FRMD3: variants seen among roughly 807,000 people sequenced by gnomAD.
The protein encoded by FRMD3 is FERM domain-containing protein 3.
FRMD3 carries 33 observed loss-of-function variants against 70.2 expected under a neutral mutation model. That is an observed-to-expected ratio of 0.47 (90% CI 0.36 to 0.63). The LOEUF is 0.63. Among genes scored for constraint, FRMD3 ranks in the 20% least tolerant of loss-of-function variants. The pLI, the probability that FRMD3 is intolerant of heterozygous loss-of-function variation, is 0.00. For synonymous variants in FRMD3, 279 were observed against 255.9 expected, an observed-to-expected ratio of 1.09 and a Z score of -0.86; for missense variants, 632 against 711.4, an observed-to-expected ratio of 0.89 and a Z score of 1.27.
At chr9:83,243,626 G>C (rs563649210), downstream of FRMD3, among the ~76,000 whole-genome samples, 16 of 152,248 alleles carry the variant, frequency 1.1e-4, no homozygotes, top group East Asian at 3.1e-3. Context: ...AGAACTATAG[G>C]TCCGTAAGCT....
At chr9:83,327,701 C>G (rs1236457015) in intron 6 of FRMD3, among the ~76,000 whole-genome samples, 1 of 152,198 alleles carries the variant, frequency 6.6e-6, no homozygotes, top group Non-Finnish European at 1.5e-5. Context: ...CGTTTCCACT[C>G]TCCTAAGAAA....
At chr9:83,272,649 G>C (rs1461596506) in intron 13 of FRMD3, among the ~76,000 whole-genome samples, 1 of 94,440 alleles carries the variant, frequency 1.1e-5, no homozygotes, top group East Asian at 2.6e-4. Context: ...GCCCAGTCTG[G>C]TAAGTGAGGA....
At chr9:83,583,705 C>T in the FRMD3 span, among the ~76,000 whole-genome samples, 22 of 152,066 alleles carry the variant, frequency 1.4e-4, no homozygotes, top group Non-Finnish European at 2.6e-4. Context: ...ACATCCCAGG[C>T]TCAAGCAATC....
intron 13 of FRMD3, 127 bp from the exon 14 acceptor site, chr9:83,248,643 C>A: frequency 9.6e-7 from 1 of 1,037,570 alleles, no homozygotes; most frequent in Non-Finnish European, 1.4e-6. Context: ...CTGTGGTATC[C>A]TAAGTTGTAA....
chr9:83,266,242 C>T (rs1352521029), intron 13 of FRMD3, among the ~76,000 whole-genome samples: 2 of 152,076 alleles, frequency 1.3e-5, no homozygotes, highest in East Asian at 3.9e-4. Context: ...CTCTTTTATA[C>T]AAGAACACAT....
rs1007043740 is a variant in FRMD3 at position 83,246,249 on chromosome 9, T to C, written c.*1669A>G. Reference sequence around the variant, plus strand: ...CATTAGGGCAGTGGAATGTTTTCAATCCACAGAGAAGCTCTATGCTCCATG... The same window carrying C: ...CATTAGGGCAGTGGAATGTTTTCAACCCACAGAGAAGCTCTATGCTCCATG... On this transcript the variant is annotated 3_prime_UTR_variant, in exon 14 of 14. Transcript: ENST00000304195. 5.1e-6 allele frequency: 5 copies of C among 984,988 alleles called. No homozygotes were observed. Among genetic ancestry groups the C allele is most frequent in the Non-Finnish European group, 4.8e-6 (4 of 829,628 alleles). The allele number at this position is 984,988 out of a possible 1,614,324, so 61.0% of individuals were successfully genotyped here.
chr9:83,273,594 C>T (rs73479763), intron 13 of FRMD3, among the ~76,000 whole-genome samples: 4,050 of 121,316 alleles, frequency 0.033, 133 homozygotes, highest in African/African-American at 0.1. Flanking sequence ...CCTGCCAAAT[C>T]CGATCAATAA....
At chr9:83,450,654 G>A (rs895470131) in intron 1 of FRMD3, among the ~76,000 whole-genome samples, 13 of 152,180 alleles carry the variant, frequency 8.5e-5, no homozygotes, top group African/African-American at 2.9e-4. Flanking sequence ...TCCCTGGAAA[G>A]GGAAGGCTCT....
At chr9:83,440,725 A>G (rs1367839139) in intron 1 of FRMD3, among the ~76,000 whole-genome samples, 1 of 152,214 alleles carries the variant, frequency 6.6e-6, no homozygotes, top group Non-Finnish European at 1.5e-5. Context: ...TTGTGTTTCC[A>G]TGGGCAATTT....
intron 1 of FRMD3, among the ~76,000 whole-genome samples, chr9:83,461,882 T>A (rs1827986227): frequency 6.6e-6 from 1 of 152,104 alleles, no homozygotes. Context: ...GAGATGGGTT[T>A]CGCCATGTTG....
Position 83,246,701 on chromosome 9 carries a change from A to T in FRMD3, c.*1217T>A. 1.0e-6 allele frequency: 1 copy of T among 985,046 alleles called. No individual in the cohort carries two copies. Among genetic ancestry groups the T allele is most frequent in the Non-Finnish European group, 1.2e-6 (1 of 829,800 alleles). 61.0% of individuals were successfully genotyped at this position (985,046 alleles called of 1,614,324 possible). ...CACACACACGCACACTCACATACAA[A>T]CACATTTTTGAAGTTTCTTCTACAG... On this transcript the variant is annotated 3_prime_UTR_variant, in exon 14 of 14. Coordinates refer to ENST00000304195, the MANE Select transcript of FRMD3 (RefSeq NM_174938.6).
At chr9:83,498,454 A>G (rs1334545093) in intron 1 of FRMD3, among the ~76,000 whole-genome samples, 1 of 152,228 alleles carries the variant, frequency 6.6e-6, no homozygotes, top group African/African-American at 2.4e-5. Context: ...AATCTCTATC[A>G]TTCTGCCAAA....
At chr9:83,344,240 T>C (rs898620187) in intron 4 of FRMD3, among the ~76,000 whole-genome samples, 6 of 152,246 alleles carry the variant, frequency 3.9e-5, no homozygotes, top group African/African-American at 1.4e-4. Context: ...TGTGTGCAGA[T>C]TCTTTCCGTG....
intron 1 of FRMD3, among the ~76,000 whole-genome samples, chr9:83,414,655 C>A (rs1220394117): frequency 6.6e-6 from 1 of 152,084 alleles, no homozygotes; most frequent in Non-Finnish European, 1.5e-5. Flanking sequence ...AGACAAACAA[C>A]CCAATTTAAA....
At chr9:83,343,379 A>G in intron 4 of FRMD3, 92 bp from the exon 5 acceptor site, 2 of 825,410 alleles carry the variant, frequency 2.4e-6, no homozygotes, top group Non-Finnish European at 4.1e-6. Flanking sequence ...TGGTGACCAG[A>G]GCTTTTCCCA....
chr9:83,575,776 G>A, the FRMD3 span, among the ~76,000 whole-genome samples: 1 of 152,154 alleles, frequency 6.6e-6, no homozygotes, highest in Non-Finnish European at 1.5e-5. Flanking sequence ...TTCCGACGAG[G>A]AAAAGTACAG....
rs565247162 is a variant in FRMD3, at chr9:83,309,773, A to C, written c.838-149T>G. 522 of 565,052 alleles carry C rather than the reference A, an allele frequency of 9.2e-4. 1 individual carries two copies. The highest frequency in any genetic ancestry group is 1.4e-3 in the Non-Finnish European group (450 of 314,336). The allele number at this position is 565,052 out of a possible 1,614,324, so 35.0% of individuals were successfully genotyped here. ...CTTAACATATTGCTATGTTATTTAC[A>C]GTGTTATTAACATGGTATTCACCCC... On this transcript the variant is annotated intron_variant, in intron 9 of 13. Transcript: ENST00000304195.
intron 1 of FRMD3, among the ~76,000 whole-genome samples, chr9:83,446,846 C>T (rs779141400): frequency 6.6e-6 from 1 of 152,066 alleles, no homozygotes; most frequent in Non-Finnish European, 1.5e-5. Flanking sequence ...GCTAAATTTA[C>T]GGATTCTAAA....
intron 3 of FRMD3, among the ~76,000 whole-genome samples, chr9:83,368,418 G>A (rs1031672097): frequency 2.0e-5 from 3 of 151,672 alleles, no homozygotes; most frequent in Non-Finnish European, 1.5e-5. Context: ...TGCAAGCTCC[G>A]CCTCCTGGGT....
Sources: gnomAD v4.1 joint callset for allele counts (sites outside exome capture counted in the v4.1 genomes callset) on GRCh38, gnomAD v4.1.1 for gene constraint, MANE v1.5 for transcripts, NCBI Gene and HGNC (gene_info 2026-07-23, HGNC 2026-07-21) for gene names.